Variants in SMYD3 observed in about 807,000 individuals in gnomAD.
The protein encoded by SMYD3 is SET and MYND domain containing 3, also known as histone-lysine N-methyltransferase SMYD3.
SMYD3 carries 36 observed loss-of-function variants against 57.7 expected under a neutral mutation model. The observed-to-expected ratio is 0.62, with a 90% confidence interval of 0.48 to 0.82. The LOEUF (loss-of-function observed/expected upper bound fraction) is 0.82, where lower values mean the gene tolerates loss of function less well. Ranked by LOEUF, SMYD3 falls within the 40% of genes least tolerant of loss-of-function variation. The probability of loss-of-function intolerance (pLI) is 0.00; values close to 1 mark genes in which losing one functional copy is unlikely to be tolerated. For missense variants in SMYD3, 515 were observed against 538.8 expected, an observed-to-expected ratio of 0.96 and a Z score of 0.44; for synonymous variants, 211 against 195.0, an observed-to-expected ratio of 1.08 and a Z score of -0.68.
chr1:245,930,257 A>G (rs2056635842), intron 5 of SMYD3: 1 of 405,360 alleles, frequency 2.5e-6, no homozygotes, highest in South Asian at 2.0e-5. Flanking sequence ...TGAACTGTTC[A>G]AAATCCAGAA....
intron 5 of SMYD3, among the ~76,000 whole-genome samples, chr1:246,088,585 G>C (rs1459070399): frequency 2.0e-5 from 2 of 98,994 alleles, no homozygotes; most frequent in Admixed American, 2.2e-4. Context: ...ACTCCAGCCT[G>C]GGCGACAGGG....
At chr1:246,350,170 G>A (rs2065800528) in intron 2 of SMYD3, among the ~76,000 whole-genome samples, 1 of 152,176 alleles carries the variant, frequency 6.6e-6, no homozygotes, top group African/African-American at 2.4e-5. Flanking sequence ...AAACCCTTCT[G>A]TATCCACCTA....
intron 5 of SMYD3, among the ~76,000 whole-genome samples, chr1:245,966,380 G>A (rs1206340151): frequency 6.6e-6 from 1 of 152,070 alleles, no homozygotes; most frequent in Non-Finnish European, 1.5e-5. Flanking sequence ...TGTTTCCCAG[G>A]CTGGTCTTGA....
chr1:246,297,997 T>C (rs1474916989), intron 5 of SMYD3, among the ~76,000 whole-genome samples: 1 of 152,150 alleles, frequency 6.6e-6, no homozygotes, highest in Admixed American at 6.6e-5. Context: ...TATTCCATCA[T>C]CTTTAATTTT....
chr1:245,927,290 A>G (rs2056437065), intron 7 of SMYD3, among the ~76,000 whole-genome samples: 1 of 152,198 alleles, frequency 6.6e-6, no homozygotes. Context: ...TTCTGCACCA[A>G]AAGAGGCTGG....
At position 246,275,609 on chromosome 1, in the gene SMYD3, G is replaced by C. The variant is rs796447393; in HGVS notation, c.531+51592C>G. Among the ~76,000 whole-genome samples, 19 of 69,736 alleles carry C rather than the reference G, an allele frequency of 2.7e-4. 1 individual carries two copies. Among genetic ancestry groups the C allele is most frequent in the East Asian group, 1.9e-3 (1 of 520 alleles). The allele number at this position is 69,736 out of a possible 152,430, so 45.7% of individuals were successfully genotyped here. On this transcript the variant is annotated intron_variant, in intron 5 of 11. Transcript: ENST00000490107. ...TGATGCCCATGTTTGAATACTAACT[G>C]TTTTTTCACTAGCCGTATTAACACT... is the stretch of plus-strand genomic sequence containing the variant.
chr1:246,023,688 A>T (rs2059515483), intron 5 of SMYD3, among the ~76,000 whole-genome samples: 1 of 152,166 alleles, frequency 6.6e-6, no homozygotes, highest in Non-Finnish European at 1.5e-5. Context: ...ACAACAAAAA[A>T]GACGGCACGT....
chr1:245,830,256 ATGGACT>A (rs1178921774), intron 10 of SMYD3, among the ~76,000 whole-genome samples: 1 of 152,218 alleles, frequency 6.6e-6, no homozygotes, highest in African/African-American at 2.4e-5. Context: ...AAGAAGTTTA[ATGGACT>A]CAGTTCCACA....
chr1:246,205,392 A>G (rs777654093), intron 5 of SMYD3, among the ~76,000 whole-genome samples: 1 of 152,200 alleles, frequency 6.6e-6, no homozygotes, highest in South Asian at 2.1e-4. Flanking sequence ...CCCATGAAAT[A>G]TCCAGTACAG....
chr1:246,181,686 G>T (rs2062553882), intron 5 of SMYD3, among the ~76,000 whole-genome samples: 1 of 152,130 alleles, frequency 6.6e-6, no homozygotes. Context: ...AGACACATAG[G>T]GGTCCCCTTT....
At chr1:245,909,972 G>A (rs2054852136) in intron 8 of SMYD3, among the ~76,000 whole-genome samples, 1 of 152,104 alleles carries the variant, frequency 6.6e-6, no homozygotes, top group Non-Finnish European at 1.5e-5. Flanking sequence ...AGAGCAATTA[G>A]ACAGGAGAAA....
intron 5 of SMYD3, among the ~76,000 whole-genome samples, chr1:246,210,602 C>G (rs2063069910): frequency 6.6e-6 from 1 of 151,662 alleles, no homozygotes. Context: ...CTCAGCTACT[C>G]AGGAGGCTGA....
chr1:246,067,459 G>A (rs1424183289), intron 5 of SMYD3, among the ~76,000 whole-genome samples: 1 of 152,126 alleles, frequency 6.6e-6, no homozygotes, highest in Admixed American at 6.6e-5. Context: ...GGGAGTTGCG[G>A]GACAAGGTAT....
At chr1:246,176,615 C>A (rs1040023840) in intron 5 of SMYD3, among the ~76,000 whole-genome samples, 1 of 152,158 alleles carries the variant, frequency 6.6e-6, no homozygotes, top group Non-Finnish European at 1.5e-5. Context: ...CTTGACCTCC[C>A]GGGCTCAGGC....
chr1:245,751,934 T>G (rs1460747629), intron 11 of SMYD3, among the ~76,000 whole-genome samples: 1 of 152,200 alleles, frequency 6.6e-6, no homozygotes, highest in Non-Finnish European at 1.5e-5. Flanking sequence ...CTCTATGAGA[T>G]TCCCCTGGGC....
intron 5 of SMYD3, among the ~76,000 whole-genome samples, chr1:245,996,739 G>C (rs2058938491): frequency 6.6e-6 from 1 of 152,188 alleles, no homozygotes. Flanking sequence ...AACAGAACAA[G>C]AGCTGGCTAG....
At chr1:246,033,564 T>C (rs954463586) in intron 5 of SMYD3, among the ~76,000 whole-genome samples, 12 of 152,138 alleles carry the variant, frequency 7.9e-5, no homozygotes, top group South Asian at 2.1e-4. Flanking sequence ...GGCAGGCGGA[T>C]CACGTGAGGT....
At chr1:246,256,765 T>C (rs959199878) in intron 5 of SMYD3, among the ~76,000 whole-genome samples, 1 of 146,194 alleles carries the variant, frequency 6.8e-6, no homozygotes, top group African/African-American at 2.5e-5. Flanking sequence ...TATTAAATCA[T>C]TAAATTGGGA....
chr1:245,985,846 T>A (rs754618523), intron 5 of SMYD3, among the ~76,000 whole-genome samples: 12 of 152,182 alleles, frequency 7.9e-5, no homozygotes, highest in Non-Finnish European at 1.6e-4. Flanking sequence ...TTCCCAAATG[T>A]TCTTGACTTT....
Sources: gnomAD v4.1 joint callset for allele counts (sites outside exome capture counted in the v4.1 genomes callset) on GRCh38, gnomAD v4.1.1 for gene constraint, MANE v1.5 for transcripts, NCBI Gene and HGNC (gene_info 2026-07-23, HGNC 2026-07-21) for gene names.